DGKG: variants seen among roughly 807,000 people sequenced by gnomAD.
The protein encoded by DGKG is DAG kinase gamma.
A neutral mutation model predicts 105.3 loss-of-function variants in DGKG; 78 were observed. The observed-to-expected ratio is 0.74, with a 90% CI of 0.62 to 0.89. The LOEUF (loss-of-function observed/expected upper bound fraction) is 0.89. Ranked by LOEUF, DGKG falls within the 40% of genes least tolerant of loss-of-function variation. The pLI is 0.00. For missense variants in DGKG, 958 were observed against 1,020.1 expected (o/e 0.94, Z 0.83); for synonymous variants, 346 against 367.1 (o/e 0.94, Z 0.66).
intron 24 of DGKG, among the ~76,000 whole-genome samples, chr3:186,154,659 A>G (rs1301556823): frequency 8.6e-5 from 13 of 151,604 alleles, no homozygotes; most frequent in East Asian, 3.9e-4. Context: ...AAAAAAAAAA[A>G]AAAAGAAAAG....
chr3:186,305,409 A>G (rs144014181), intron 3 of DGKG, among the ~76,000 whole-genome samples: 2 of 152,358 alleles, frequency 1.3e-5, no homozygotes, highest in East Asian at 1.9e-4. Context: ...GATAGCATCA[A>G]GAAGGCTAAT....
At position 186,342,166 on chromosome 3, in the gene DGKG, T is replaced by TA. The variant is rs201816218; in HGVS notation, c.-249+19779dup. Among the ~76,000 whole-genome samples, 910 of 151,222 alleles carry TA rather than the reference T, an allele frequency of 6.0e-3. 8 individuals are homozygous for TA. The highest frequency in any genetic ancestry group is 0.017 in the Middle Eastern group (5 of 292). On this transcript the variant is annotated intron_variant, in intron 1 of 24. Coordinates refer to ENST00000265022, the MANE Select transcript of DGKG (RefSeq NM_001346.3). ...ATGTACCCTAAAACTTAAAGTATAA[T>TA]AAAAAAAAATACTAGAAACTACATT...
intron 20 of DGKG, among the ~76,000 whole-genome samples, chr3:186,220,102 A>G (rs1719490356): frequency 6.6e-6 from 1 of 152,242 alleles, no homozygotes; most frequent in Non-Finnish European, 1.5e-5. Context: ...CAATGGAATT[A>G]AATCAGTTAT....
Position 186,284,604 on chromosome 3 carries a change from C to G in DGKG, c.594+56G>C. The G allele has an allele frequency of 7.0e-7, 1 of 1,438,432 alleles. No homozygotes were observed. Among genetic ancestry groups the G allele is most frequent in the Non-Finnish European group, 9.8e-7 (1 of 1,020,852 alleles). The allele number at this position is 1,438,432 out of a possible 1,614,324, so 89.1% of individuals were successfully genotyped here. ...TTTTCAGATTCTTCCTCTGCTTGCT[C>G]CCTGCTCCCCCAGCCTTTCTCAGGT... is the stretch of plus-strand genomic sequence containing the variant. On this transcript the variant is annotated intron_variant, in intron 7 of 24. Transcript: ENST00000265022. This position sits in a 1 kb window ranked among gnomAD's most constrained non-coding sequence, Gnocchi z 4.0.
intron 21 of DGKG, among the ~76,000 whole-genome samples, chr3:186,191,261 T>C (rs1374936089): frequency 6.6e-6 from 1 of 152,226 alleles, no homozygotes; most frequent in Non-Finnish European, 1.5e-5. Context: ...AAGTCACCAA[T>C]ATCTGTGTGC....
intron 2 of DGKG, chr3:186,313,440 A>G: frequency 2.1e-6 from 2 of 930,606 alleles, no homozygotes; most frequent in Non-Finnish European, 2.6e-6. Flanking sequence ...TTATTTGTGT[A>G]AGTAAAATTT....
At chr3:186,272,186 G>T (rs1722346477) in intron 11 of DGKG, 69 bp downstream of exon 11, 2 of 1,265,090 alleles carry the variant, frequency 1.6e-6, no homozygotes, top group African/African-American at 3.0e-5. Context: ...TCCTGCCCAG[G>T]AATCCATGTT....
chr3:186,342,467 G>C (rs529209069), intron 1 of DGKG, among the ~76,000 whole-genome samples: 1 of 152,088 alleles, frequency 6.6e-6, no homozygotes, highest in Non-Finnish European at 1.5e-5. Context: ...TAAAAATAGC[G>C]CATCAGACAA....
At chr3:186,177,949 T>C (rs1428508563) in intron 22 of DGKG, among the ~76,000 whole-genome samples, 1 of 149,246 alleles carries the variant, frequency 6.7e-6, no homozygotes, top group Non-Finnish European at 1.5e-5. Context: ...TGATGGTATT[T>C]GGAGGTAGGC....
At chr3:186,219,813 C>T (rs1719475588) in intron 20 of DGKG, among the ~76,000 whole-genome samples, 1 of 152,092 alleles carries the variant, frequency 6.6e-6, no homozygotes, top group Non-Finnish European at 1.5e-5. Context: ...CTATGGAATC[C>T]TCTTAATAAC....
intron 18 of DGKG, 114 bp downstream of exon 18, chr3:186,252,979 T>TTA (rs1721295187): frequency 2.4e-6 from 2 of 845,062 alleles, no homozygotes; most frequent in East Asian, 5.1e-5. Context: ...CAGAGTTGAG[T>TTA]ATTATGCTGC....
chr3:186,159,078 A>G (rs901226402), intron 24 of DGKG: 14 of 168,624 alleles, frequency 8.3e-5, no homozygotes, highest in South Asian at 1.9e-4. Context: ...TTTTAACTCA[A>G]TATGAGAGTA....
At chr3:186,293,890 C>G (rs1723423345) in intron 5 of DGKG, among the ~76,000 whole-genome samples, 1 of 151,856 alleles carries the variant, frequency 6.6e-6, no homozygotes, top group Non-Finnish European at 1.5e-5. Flanking sequence ...ACAGGGACAT[C>G]TAATTAAGAC....
At chr3:186,211,675 C>G in intron 21 of DGKG, 120 bp downstream of exon 21, 1 of 727,258 alleles carries the variant, frequency 1.4e-6, no homozygotes, top group Non-Finnish European at 2.4e-6. Flanking sequence ...GATGGAGAAA[C>G]AACAGAGACT....
At chr3:186,269,007 G>A (rs1044094654) in intron 11 of DGKG, 90 bp from the exon 12 acceptor site, 15 of 874,770 alleles carry the variant, frequency 1.7e-5, no homozygotes, top group African/African-American at 8.3e-5. Context: ...GGGAGGGGAC[G>A]CGGGGGAGCC....
At chr3:186,303,039 T>C (rs1171513057) in intron 3 of DGKG, among the ~76,000 whole-genome samples, 2 of 152,140 alleles carry the variant, frequency 1.3e-5, no homozygotes, top group African/African-American at 4.8e-5. Flanking sequence ...CCAGACCTCC[T>C]GACTCCCTGT....
At chr3:186,254,721 A>G (rs555620777) in intron 17 of DGKG, among the ~76,000 whole-genome samples, 10 of 151,774 alleles carry the variant, frequency 6.6e-5, no homozygotes, top group Non-Finnish European at 1.0e-4. Context: ...TATCGCTGCA[A>G]CAGCCTCCTC....
chr3:186,283,481 T>C (rs73058008), intron 7 of DGKG, among the ~76,000 whole-genome samples: 4,750 of 152,208 alleles, frequency 0.031, 268 homozygotes, highest in African/African-American at 0.11. Flanking sequence ...TGCCCCCTCC[T>C]AGAGAGGCCT....
chr3:186,299,840 T>TCTCTTTCTTTCTTTC (rs1553815789), intron 3 of DGKG, among the ~76,000 whole-genome samples: 44 of 80,754 alleles, frequency 5.4e-4, no homozygotes, highest in South Asian at 1.1e-3. Flanking sequence ...TTTCTTTCTT[T>TCTCTTTCTTTCTTTC]TTTTTTTTTT....
Sources: allele counts gnomAD v4.1 joint callset (sites outside exome capture counted in the v4.1 genomes callset), GRCh38; gene constraint gnomAD v4.1.1; non-coding constraint Gnocchi (gnomAD v3.1); transcripts MANE v1.5; gene names NCBI Gene and HGNC (gene_info 2026-07-23, HGNC 2026-07-21).